The following S100PBP variants were observed in gnomAD, a reference collection of about 807,000 sequenced individuals.
The protein encoded by S100PBP is S100P binding protein.
In S100PBP, 15 loss-of-function variants were observed where a neutral mutation model predicts 39.9. The observed-to-expected ratio is 0.38, with a 90% CI of 0.25 to 0.58. The LOEUF (loss-of-function observed/expected upper bound fraction) is 0.58. S100PBP is among the 20% of genes least tolerant of loss of function. S100PBP has a pLI of 0.70. For synonymous variants in S100PBP, 178 were observed against 180.3 expected, an observed-to-expected ratio of 0.99 and a Z score of 0.10; for missense variants, 504 against 487.3, an observed-to-expected ratio of 1.03 and a Z score of -0.32.
intron 1 of S100PBP, among the ~76,000 whole-genome samples, chr1:32,823,787 A>T (rs4951788): frequency 6.6e-6 from 1 of 152,090 alleles, no homozygotes; most frequent in African/African-American, 2.4e-5. Flanking sequence ...AAGATTATAC[A>T]TTACGTATTA....
chr1:32,837,088 A>C (rs1639855904), intron 5 of S100PBP: 2 of 148,340 alleles, frequency 1.3e-5, no homozygotes, highest in East Asian at 2.0e-4. Flanking sequence ...AAAAAAACAT[A>C]CAAAAATTAG....
upstream of S100PBP, chr1:32,817,437 AG>A: frequency 1.5e-6 from 1 of 667,770 alleles, no homozygotes; most frequent in Admixed American, 2.6e-5. Flanking sequence ...AGAGTCGAGC[AG>A]GTCGATGAGA....
rs926274957 is a variant in S100PBP, at chr1:32,853,093, C to G, written c.1039C>G (p.Leu347Val). Residue 347 changes from leucine to valine, a missense_variant, in exon 6 of 7, where the codon CTT becomes GTT. Transcript: ENST00000373475. ...CTGTATCACAGGTATCTCGGGGGAG[C>G]TTTGTGCCTTGATGGATCAAGTTCA... ...EDTNQGISGE[L>V]CALMDQVHHM... 6.2e-7 allele frequency: 1 copy of G among 1,612,578 alleles called. No homozygotes were observed. The highest frequency in any genetic ancestry group is 8.5e-7 in the Non-Finnish European group (1 of 1,179,366).
chr1:32,842,023 A>G (rs1351352996), intron 5 of S100PBP, among the ~76,000 whole-genome samples: 2 of 149,590 alleles, frequency 1.3e-5, no homozygotes, highest in Non-Finnish European at 3.0e-5. Flanking sequence ...TGCCTCTACC[A>G]AAAAAAAATT....
At chr1:32,842,236 TACACACACACAC>T (rs1553132298) in intron 5 of S100PBP, among the ~76,000 whole-genome samples, 45 of 80,876 alleles carry the variant, frequency 5.6e-4, no homozygotes, top group East Asian at 1.2e-3. Flanking sequence ...TATATATATA[TACACACACACAC>T]ACACACACAC....
intron 6 of S100PBP, among the ~76,000 whole-genome samples, chr1:32,854,949 T>C (rs1050795118): frequency 1.8e-4 from 28 of 152,206 alleles, no homozygotes; most frequent in African/African-American, 6.8e-4. Context: ...TGACCTTGGG[T>C]AAATTATTAA....
chr1:32,855,198 T>A (rs1640774007), intron 6 of S100PBP, among the ~76,000 whole-genome samples: 1 of 152,208 alleles, frequency 6.6e-6, no homozygotes, highest in Admixed American at 6.5e-5. Context: ...TCTAAGTCAT[T>A]AAGTCTGGGA....
intron 1 of S100PBP, among the ~76,000 whole-genome samples, chr1:32,823,071 A>C (rs1458789114): frequency 6.6e-6 from 1 of 152,214 alleles, no homozygotes; most frequent in Non-Finnish European, 1.5e-5. Context: ...TTGTTCTAAC[A>C]TTATTAGCTA....
chr1:32,816,973 G>A, upstream of S100PBP: 1 of 628,588 alleles, frequency 1.6e-6, no homozygotes, highest in Non-Finnish European at 2.8e-6. Flanking sequence ...AAGACAACTG[G>A]ACGCAAGAGG....
intron 4 of S100PBP, among the ~76,000 whole-genome samples, chr1:32,829,748 C>T (rs1639508228): frequency 6.6e-6 from 1 of 152,174 alleles, no homozygotes; most frequent in African/African-American, 2.4e-5. Context: ...TGTGAGCCAC[C>T]ACACCCAGCT....
chr1:32,820,403 C>T (rs1638997783), intron 1 of S100PBP: 1 of 152,256 alleles, frequency 6.6e-6, no homozygotes, highest in South Asian at 2.1e-4. Flanking sequence ...ACCTCAGCCT[C>T]CCAAAGTGCT....
chr1:32,846,112 C>T (rs1640362215), intron 5 of S100PBP, among the ~76,000 whole-genome samples: 1 of 152,014 alleles, frequency 6.6e-6, no homozygotes, highest in African/African-American at 2.4e-5. Context: ...GCCTCAGCCT[C>T]CTGAGTAGCT....
At chr1:32,846,777 T>G (rs576161750) in intron 5 of S100PBP, 3 of 151,846 alleles carry the variant, frequency 2.0e-5, no homozygotes, top group Admixed American at 1.3e-4. Context: ...AACAGTAAAT[T>G]ATCTTTCTTT....
At chr1:32,825,203 T>C (rs1192968011) in intron 1 of S100PBP, 110 bp from the exon 2 acceptor site, 1 of 152,106 alleles carries the variant, frequency 6.6e-6, no homozygotes, top group Non-Finnish European at 1.5e-5. Context: ...ACAAAAAAAA[T>C]CAAGATTAAA....
chr1:32,832,217 G>GTAACT (rs1639632616), intron 5 of S100PBP, among the ~76,000 whole-genome samples: 1 of 152,092 alleles, frequency 6.6e-6, no homozygotes, highest in Admixed American at 6.6e-5. Context: ...CCTAGCTCTA[G>GTAACT]TAACTAACAT....
Position 32,843,979 on chromosome 1 carries a change from T to C in S100PBP, c.1025-9100T>C, listed in dbSNP as rs557885883. ...CCCAAACTGGAGTGCAGTGGCTCGA[T>C]CTCAGCTCACTGCAGTCTCCGCCTT... On this transcript the variant is annotated intron_variant, in intron 5 of 6. Coordinates refer to ENST00000373475, the MANE Select transcript of S100PBP (RefSeq NM_022753.4). 2.6e-5 allele frequency among the ~76,000 whole-genome samples: 4 copies of C among 152,134 alleles called. No individual in the cohort carries two copies. The East Asian group carries it at 7.7e-4, about 29-fold the overall frequency.
intron 5 of S100PBP, chr1:32,835,281 A>G (rs998223478): frequency 1.3e-5 from 2 of 152,182 alleles, no homozygotes; most frequent in Non-Finnish European, 2.9e-5. Flanking sequence ...GTAATCAATT[A>G]TAGCTACTGT....
chr1:32,826,717 C>G lies in S100PBP; in HGVS notation c.618C>G (p.Ala206=). 6.2e-7 allele frequency: 1 copy of G among 1,614,092 alleles called. No homozygotes were observed. The highest frequency in any genetic ancestry group is 8.5e-7 in the Non-Finnish European group (1 of 1,180,008). ...ESEGISPNNS[A]WNGPQLSSSN... ...AAGGGATCAGCCCCAATAACTCTGC[C>G]TGGAATGGGCCCCAGCTCTCTTCTT... The change falls in exon 3 of 7, where the codon GCC becomes GCG. Residue 206 remains alanine, a synonymous_variant. Coordinates refer to ENST00000373475, the MANE Select transcript of S100PBP (RefSeq NM_022753.4).
chr1:32,818,086 A>C (rs548682073), intron 1 of S100PBP: 1 of 153,320 alleles, frequency 6.5e-6, no homozygotes, highest in Admixed American at 6.5e-5. Context: ...TGGGGGCAGG[A>C]AGAGGACGAC....
Sources: gnomAD v4.1 joint callset for allele counts (sites outside exome capture counted in the v4.1 genomes callset) on GRCh38, gnomAD v4.1.1 for gene constraint, MANE v1.5 for transcripts, NCBI Gene and HGNC (gene_info 2026-07-23, HGNC 2026-07-21) for gene names.